The following S100Z variants were observed in gnomAD, a reference collection of about 807,000 sequenced individuals.
S100Z encodes S100 calcium binding protein Z.
Under a neutral mutation model 8.5 loss-of-function variants are expected in S100Z, and 11 were observed. The observed-to-expected ratio is 1.30, with a 90% confidence interval of 0.82 to 2.15. S100Z has a LOEUF of 2.15. Among genes scored for constraint, S100Z ranks in the 30% most tolerant of loss-of-function variants. The pLI, the probability that S100Z is intolerant of heterozygous loss-of-function variation, is 0.00. For synonymous variants in S100Z, 34 were observed against 43.8 expected (o/e 0.78, Z 0.89); for missense variants, 126 against 117.9 (o/e 1.07, Z -0.32).
the S100Z span, among the ~76,000 whole-genome samples, chr5:76,933,495 G>A: frequency 6.6e-6 from 1 of 152,148 alleles, no homozygotes; most frequent in African/African-American, 2.4e-5. Context: ...AGAACGGCCC[G>A]TGATATGCTG....
intron 2 of S100Z, among the ~76,000 whole-genome samples, chr5:76,872,704 T>C (rs1235906081): frequency 2.6e-5 from 4 of 152,104 alleles, no homozygotes; most frequent in Admixed American, 1.3e-4. Flanking sequence ...CTCACACCTG[T>C]AATCCCAGCA....
intron 4 of S100Z, among the ~76,000 whole-genome samples, chr5:76,913,202 A>G (rs1305023850): frequency 6.6e-6 from 1 of 152,242 alleles, no homozygotes; most frequent in Non-Finnish European, 1.5e-5. Context: ...TAGCCTTCCT[A>G]TCAAAAATCC....
In S100Z at chr5:76,851,382, G is replaced by A. The variant is rs552429958; in HGVS notation, c.-176+1227G>A. Among the ~76,000 whole-genome samples the A allele has an allele frequency of 2.5e-3, 377 of 152,296 alleles. 2 individuals are homozygous for A. The highest frequency in any genetic ancestry group is 8.8e-3 in the African/African-American group (366 of 41,562). On this transcript the variant is annotated intron_variant, in intron 1 of 4. Coordinates refer to ENST00000317593, the MANE Select transcript of S100Z (RefSeq NM_130772.4). ...CTAATTTTGAAGAAGAGCAAAGTAGGTGCAGGAGGTGAGTTGGGATCTCAT... is the reference window on the plus strand; with the variant it reads ...CTAATTTTGAAGAAGAGCAAAGTAGATGCAGGAGGTGAGTTGGGATCTCAT...
At chr5:76,923,976 G>A (rs1310915159), downstream of S100Z, among the ~76,000 whole-genome samples, 3 of 152,016 alleles carry the variant, frequency 2.0e-5, no homozygotes, top group Admixed American at 6.6e-5. Flanking sequence ...GCTGTTCTCC[G>A]AAGATCCCTG....
chr5:76,897,276 T>TA (rs1258459023), intron 4 of S100Z, among the ~76,000 whole-genome samples: 5 of 151,608 alleles, frequency 3.3e-5, no homozygotes, highest in Middle Eastern at 3.4e-3. Flanking sequence ...CCATCTCTAC[T>TA]AAAAAAATAC....
chr5:76,935,625 T>TA, the S100Z span, among the ~76,000 whole-genome samples: 1 of 152,098 alleles, frequency 6.6e-6, no homozygotes, highest in African/African-American at 2.4e-5. Context: ...AAGTAATTGA[T>TA]CTAACGTGCC....
At chr5:76,898,308 C>A (rs940064321) in intron 4 of S100Z, among the ~76,000 whole-genome samples, 1 of 151,920 alleles carries the variant, frequency 6.6e-6, no homozygotes, top group Admixed American at 6.6e-5. Context: ...GCACATCATG[C>A]CTAGCTAGTT....
At chr5:76,865,587 A>G (rs978867376) in intron 1 of S100Z, among the ~76,000 whole-genome samples, 2 of 151,938 alleles carry the variant, frequency 1.3e-5, no homozygotes, top group African/African-American at 4.8e-5. Flanking sequence ...AAAGTTAAAA[A>G]AAAAATTAAA....
intron 1 of S100Z, among the ~76,000 whole-genome samples, chr5:76,863,224 A>G (rs956684989): frequency 6.6e-6 from 1 of 152,224 alleles, no homozygotes; most frequent in African/African-American, 2.4e-5. Flanking sequence ...AACTTCCTCC[A>G]GGGACCTTTG....
At chr5:76,902,243 C>T (rs1461395188) in intron 4 of S100Z, among the ~76,000 whole-genome samples, 3 of 152,212 alleles carry the variant, frequency 2.0e-5, no homozygotes, top group Non-Finnish European at 4.4e-5. Flanking sequence ...GTTGCATGCC[C>T]TCTCAGCCCA....
rs189488980 is a variant in S100Z, at chr5:76,850,087, A to C, written c.-244A>C. On this transcript the variant is annotated 5_prime_UTR_variant, in exon 1 of 5. Transcript: ENST00000317593. ...GCTGCTGGGAGGAAAACGGCTTGCT[A>C]ATCTCCACGCCCAGAAATTCAGACA... is the stretch of plus-strand genomic sequence containing the variant. The C allele has an allele frequency of 2.6e-5, 4 of 152,200 alleles. No individual in the cohort carries two copies. The highest frequency in any genetic ancestry group is 1.5e-5 in the Non-Finnish European group (1 of 68,104). 9.4% of individuals were successfully genotyped at this position (152,200 alleles called of 1,614,324 possible).
At chr5:76,903,983 C>A (rs1296568230) in intron 4 of S100Z, among the ~76,000 whole-genome samples, 6 of 151,994 alleles carry the variant, frequency 3.9e-5, no homozygotes, top group African/African-American at 1.5e-4. Flanking sequence ...GATCCACACA[C>A]CTTGGCCTCC....
chr5:76,944,957 G>C, the S100Z span, among the ~76,000 whole-genome samples: 1 of 152,194 alleles, frequency 6.6e-6, no homozygotes, highest in Non-Finnish European at 1.5e-5. Flanking sequence ...GCTGAAGGGA[G>C]TTGTAGGGAA....
intron 1 of S100Z, among the ~76,000 whole-genome samples, chr5:76,865,238 C>CTATTTTTTTTTTTTTTTTTTTTT (rs1491513943): frequency 9.0e-6 from 1 of 110,652 alleles, no homozygotes; most frequent in Non-Finnish European, 1.8e-5. Context: ...TGTGTCCTAG[C>CTATTTTTTTTTTTTTTTTTTTTT]TCTTTTTTTT....
the S100Z span, among the ~76,000 whole-genome samples, chr5:76,926,736 C>T: frequency 2.0e-5 from 3 of 152,066 alleles, no homozygotes; most frequent in Non-Finnish European, 4.4e-5. Flanking sequence ...CTCGTGAAGC[C>T]CAGATTAAAA....
chr5:76,931,115 TC>T, the S100Z span, among the ~76,000 whole-genome samples: 1 of 151,716 alleles, frequency 6.6e-6, no homozygotes, highest in East Asian at 1.9e-4. Flanking sequence ...TTTTTTTTTT[TC>T]TTTTTTGAGA....
intron 1 of S100Z, among the ~76,000 whole-genome samples, chr5:76,868,087 C>T (rs1742848580): frequency 6.6e-6 from 1 of 152,200 alleles, no homozygotes; most frequent in South Asian, 2.1e-4. Context: ...TTCATGTCAC[C>T]CGTAAATTTG....
At chr5:76,901,134 A>G (rs1204729073) in intron 4 of S100Z, among the ~76,000 whole-genome samples, 1 of 151,408 alleles carries the variant, frequency 6.6e-6, no homozygotes, top group Non-Finnish European at 1.5e-5. Context: ...TGACACAAGC[A>G]CTCCTGTGGC....
At chr5:76,939,307 C>T in the S100Z span, among the ~76,000 whole-genome samples, 1 of 151,834 alleles carries the variant, frequency 6.6e-6, no homozygotes, top group African/African-American at 2.4e-5. Flanking sequence ...CGCCCACCAC[C>T]ACGCCTGGCT....
Sources: gnomAD v4.1 joint callset for allele counts (sites outside exome capture counted in the v4.1 genomes callset) on GRCh38, gnomAD v4.1.1 for gene constraint, MANE v1.5 for transcripts, NCBI Gene and HGNC (gene_info 2026-07-23, HGNC 2026-07-21) for gene names.